Variants in RPS6KA3 observed in about 807,000 individuals in gnomAD.
RPS6KA3 encodes the protein ribosomal protein S6 kinase A3.
Under a neutral mutation model 67.2 loss-of-function variants are expected in RPS6KA3, and 4 were observed. The observed-to-expected ratio is 0.06, with a 90% CI of 0.03 to 0.14. The LOEUF (loss-of-function observed/expected upper bound fraction) is 0.14, where lower values mean the gene tolerates loss of function less well. Ranked by LOEUF, RPS6KA3 falls within the 10% of genes least tolerant of loss-of-function variation. The pLI, the probability that RPS6KA3 is intolerant of heterozygous loss-of-function variation, is 1.00. For synonymous variants in RPS6KA3, 182 were observed against 183.7 expected, an observed-to-expected ratio of 0.99 and a Z score of 0.07; for missense variants, 204 against 559.0, an observed-to-expected ratio of 0.36 and a Z score of 6.40.
At chrX:20,198,991 G>C (rs1447150455) in intron 4 of RPS6KA3, among the ~76,000 whole-genome samples, 3 of 110,147 alleles carry the variant, frequency 2.7e-5, no homozygotes, top group Non-Finnish European at 5.7e-5. Flanking sequence ...CCTGTCTCAG[G>C]CTCCTGAGTA....
chrX:20,255,744 C>T (rs2070028035), intron 1 of RPS6KA3, among the ~76,000 whole-genome samples: 2 of 71,229 alleles, frequency 2.8e-5, no homozygotes, highest in Admixed American at 4.3e-4. Flanking sequence ...GCTGAGACTG[C>T]ACCACTGCAT....
In RPS6KA3 at chrX:20,266,593, C is replaced by T; in HGVS notation, c.40G>A (p.Ala14Thr). The T allele has an allele frequency of 8.7e-7, 1 of 1,151,640 alleles. No individual in the cohort carries two copies. Among genetic ancestry groups the T allele is most frequent in the African/African-American group, 1.8e-5 (1 of 55,771 alleles). 94.9% of individuals were successfully genotyped at this position (1,151,640 alleles called of 1,213,427 possible). The change falls in exon 1 of 22, where the codon GCT becomes ACT. Residue 14 changes from alanine (A) to threonine (T), a missense_variant. Physicochemically the swap from Ala to Thr is moderately conservative, Grantham distance 58. Coordinates refer to ENST00000379565, the MANE Select transcript of RPS6KA3 (RefSeq NM_004586.3). Reference sequence around the variant, plus strand: ...GCGCTGTCGGACGGGCTCTCCACAGCCATCTTCTGCCACGGGTCCGCCAGC... The same window carrying T: ...GCGCTGTCGGACGGGCTCTCCACAGTCATCTTCTGCCACGGGTCCGCCAGC... ...AQLADPWQKM[A>T]VESPSDSAEN...
chrX:20,189,466 G>A (rs2068070007), intron 7 of RPS6KA3, among the ~76,000 whole-genome samples: 2 of 112,168 alleles, frequency 1.8e-5, no homozygotes, highest in Admixed American at 9.5e-5. Context: ...GGCATTTAGT[G>A]AGCTCACTGG....
chrX:20,247,207 C>T (rs777785543), intron 1 of RPS6KA3, among the ~76,000 whole-genome samples: 51 of 108,074 alleles, frequency 4.7e-4, no homozygotes, highest in Admixed American at 2.3e-3. Context: ...AGGTGGATTG[C>T]TTGAGGCCAG....
intron 1 of RPS6KA3, among the ~76,000 whole-genome samples, chrX:20,247,437 G>A (rs909365085): frequency 9.0e-6 from 1 of 111,080 alleles, no homozygotes; most frequent in African/African-American, 3.3e-5. Context: ...ACATTGTTAA[G>A]TTTTAACTGC....
intron 1 of RPS6KA3, among the ~76,000 whole-genome samples, chrX:20,247,509 G>C (rs1056531561): frequency 1.8e-5 from 2 of 111,618 alleles, no homozygotes; most frequent in Non-Finnish European, 3.8e-5. Context: ...ATCTGAGGCC[G>C]GGCGCGGTGG....
At chrX:20,242,837 G>C (rs1186567886) in intron 1 of RPS6KA3, among the ~76,000 whole-genome samples, 1 of 111,131 alleles carries the variant, frequency 9.0e-6, no homozygotes, top group African/African-American at 3.3e-5. Context: ...AGGGGAATGA[G>C]AAGAGGAAAC....
intron 20 of RPS6KA3, among the ~76,000 whole-genome samples, chrX:20,159,565 T>G (rs906331219): frequency 9.0e-6 from 1 of 111,699 alleles, no homozygotes; most frequent in Admixed American, 9.5e-5. Context: ...AGGCTGTGAG[T>G]TGGATGTAAT....
At chrX:20,200,089 G>T (rs1248104552) in intron 4 of RPS6KA3, among the ~76,000 whole-genome samples, 1 of 112,048 alleles carries the variant, frequency 8.9e-6, no homozygotes, top group Non-Finnish European at 1.9e-5. Flanking sequence ...AAAAGAGACT[G>T]AATACAGAAA....
In RPS6KA3 at chrX:20,154,854, T is replaced by C. The variant is rs1277572597; in HGVS notation, c.*544A>G. 2.5e-5 allele frequency: 3 copies of C among 118,859 alleles called. No homozygotes were observed. Among genetic ancestry groups the C allele is most frequent in the Non-Finnish European group, 5.3e-5 (3 of 56,596 alleles). 9.8% of individuals were successfully genotyped at this position (118,859 alleles called of 1,213,427 possible). On this transcript the variant is annotated 3_prime_UTR_variant, in exon 22 of 22. Coordinates refer to ENST00000379565, the MANE Select transcript of RPS6KA3 (RefSeq NM_004586.3). ...TTAACCAGATTTAATAGTCAATTGA[T>C]TAATAATAATAGATTCCAAGTTAAA...
intron 10 of RPS6KA3, among the ~76,000 whole-genome samples, chrX:20,179,191 T>G (rs1005099632): frequency 1.8e-5 from 2 of 111,756 alleles, no homozygotes; most frequent in African/African-American, 6.5e-5. Flanking sequence ...AGAGGGTGCA[T>G]GAAAATGCTG....
intron 2 of RPS6KA3, among the ~76,000 whole-genome samples, chrX:20,227,707 T>C (rs2148771270): frequency 9.0e-6 from 1 of 111,004 alleles, no homozygotes; most frequent in South Asian, 3.8e-4. Context: ...AAATTTGGTA[T>C]TTTAGTATTC....
chrX:20,172,063 G>T (rs1224858012), intron 15 of RPS6KA3, among the ~76,000 whole-genome samples: 4 of 111,890 alleles, frequency 3.6e-5, no homozygotes, highest in Non-Finnish European at 7.5e-5. Flanking sequence ...CTAAACATGA[G>T]CTATGTATAT....
intron 1 of RPS6KA3, among the ~76,000 whole-genome samples, chrX:20,239,909 G>T (rs1013380363): frequency 7.2e-5 from 8 of 111,523 alleles, no homozygotes; most frequent in African/African-American, 2.3e-4. Flanking sequence ...TTCATTTTAA[G>T]CAACTTTATT....
chrX:20,205,557 C>T (rs1176371042), intron 3 of RPS6KA3, among the ~76,000 whole-genome samples: 1 of 112,059 alleles, frequency 8.9e-6, no homozygotes, highest in African/African-American at 3.2e-5. Flanking sequence ...TGTTGCTCTC[C>T]AATAATCACC....
chrX:20,155,992 T>A (rs1294130271), intron 21 of RPS6KA3, 117 bp downstream of exon 21: 1 of 809,279 alleles, frequency 1.2e-6, no homozygotes, highest in African/African-American at 2.0e-5. Flanking sequence ...TGTAAGAGAA[T>A]CCCACAACAG....
chrX:20,259,428 T>A, intron 1 of RPS6KA3, among the ~76,000 whole-genome samples: 1 of 112,063 alleles, frequency 8.9e-6, no homozygotes, highest in Non-Finnish European at 1.9e-5. Context: ...TAAATTATTT[T>A]TAACTTTTAT....
At chrX:20,155,928 AC>A (rs199842608) in intron 21 of RPS6KA3, among the ~76,000 whole-genome samples, 180 bp downstream of exon 21, 85 of 112,424 alleles carry the variant, frequency 7.6e-4, no homozygotes, top group African/African-American at 2.6e-3. Context: ...TCGCTCTTAA[AC>A]TAGTTTTATT....
At chrX:20,233,779 A>G (rs1359150421) in intron 2 of RPS6KA3, among the ~76,000 whole-genome samples, 1 of 111,471 alleles carries the variant, frequency 9.0e-6, no homozygotes, top group Non-Finnish European at 1.9e-5. Context: ...AAAAAAACAA[A>G]ACAAAGAAGA....
Sources: allele counts gnomAD v4.1 joint callset (sites outside exome capture counted in the v4.1 genomes callset), GRCh38; gene constraint gnomAD v4.1.1; transcripts MANE v1.5; gene names NCBI Gene and HGNC (gene_info 2026-07-23, HGNC 2026-07-21).